The following MAGI1 variants were observed in gnomAD, a reference collection of about 807,000 sequenced individuals.
The protein encoded by MAGI1 is membrane-associated guanylate kinase, WW and PDZ domain-containing protein 1.
Under a neutral mutation model 139.9 loss-of-function variants are expected in MAGI1, and 58 were observed. The ratio of observed to expected loss-of-function variants is 0.41; its 90% confidence interval spans 0.34 to 0.52. The LOEUF is 0.52. MAGI1 is among the 20% of genes least tolerant of loss of function. The pLI is 0.12. For synonymous variants in MAGI1, 812 were observed against 737.9 expected (o/e 1.10, Z -1.63); for missense variants, 1,874 against 1,901.6 (o/e 0.99, Z 0.27).
intron 2 of MAGI1, among the ~76,000 whole-genome samples, chr3:65,505,668 A>AATAATAATAATG (rs3075744): frequency 2.0e-5 from 3 of 149,268 alleles, no homozygotes; most frequent in Non-Finnish European, 4.4e-5. Flanking sequence ...TAATAATAAT[A>AATAATAATAATG]GGGAATGACT....
At chr3:65,574,390 T>C (rs1317722413) in intron 2 of MAGI1, among the ~76,000 whole-genome samples, 1 of 140,174 alleles carries the variant, frequency 7.1e-6, no homozygotes, top group African/African-American at 2.7e-5. Context: ...CAACAAAATA[T>C]ATAAAATACC....
chr3:66,021,938 G>C (rs147378690), intron 1 of MAGI1, among the ~76,000 whole-genome samples: 4 of 152,188 alleles, frequency 2.6e-5, no homozygotes, highest in African/African-American at 9.7e-5. Context: ...TCTTCAAGAA[G>C]CTGTGCCTGC....
chr3:65,738,307 G>A (rs1325537746), intron 1 of MAGI1, among the ~76,000 whole-genome samples: 2 of 152,148 alleles, frequency 1.3e-5, no homozygotes, highest in African/African-American at 4.8e-5. Flanking sequence ...GAGTTGCTAG[G>A]ACTATAGGCA....
intron 17 of MAGI1, among the ~76,000 whole-genome samples, chr3:65,377,228 T>C (rs1195945257): frequency 6.6e-6 from 1 of 152,208 alleles, no homozygotes; most frequent in Admixed American, 6.5e-5. Context: ...CAAGGTAAGA[T>C]AATTTTTAAA....
At chr3:65,515,472 T>A (rs188241896) in intron 2 of MAGI1, among the ~76,000 whole-genome samples, 212 of 152,288 alleles carry the variant, frequency 1.4e-3, no homozygotes, top group Non-Finnish European at 2.3e-3. Flanking sequence ...CTAATGTCAA[T>A]GAATGACACT....
chr3:65,693,788 A>C (rs2088898515), intron 1 of MAGI1, among the ~76,000 whole-genome samples: 1 of 152,088 alleles, frequency 6.6e-6, no homozygotes, highest in Non-Finnish European at 1.5e-5. Context: ...CAGTGGCACG[A>C]TCTTGACTCA....
At chr3:65,693,944 C>T (rs2088912826) in intron 1 of MAGI1, among the ~76,000 whole-genome samples, 1 of 152,128 alleles carries the variant, frequency 6.6e-6, no homozygotes, top group Non-Finnish European at 1.5e-5. Context: ...TGATCTCAAA[C>T]TCCTGACCTC....
chr3:65,454,977 T>C (rs1262840926), intron 5 of MAGI1, among the ~76,000 whole-genome samples: 1 of 152,192 alleles, frequency 6.6e-6, no homozygotes, highest in Admixed American at 6.5e-5. Context: ...AAGGACACCC[T>C]GCTGAGACAT....
chr3:65,607,828 C>T (rs1014029710), intron 2 of MAGI1, among the ~76,000 whole-genome samples: 1 of 152,130 alleles, frequency 6.6e-6, no homozygotes, highest in African/African-American at 2.4e-5. Flanking sequence ...GCGTATTATG[C>T]ATGCGGCCAC....
At chr3:65,680,590 T>C (rs1275222552) in intron 1 of MAGI1, among the ~76,000 whole-genome samples, 1 of 152,054 alleles carries the variant, frequency 6.6e-6, no homozygotes, top group East Asian at 1.9e-4. Flanking sequence ...AATTTTTCTT[T>C]TCTAATTTTT....
At chr3:65,786,682 G>A (rs1055850536) in intron 1 of MAGI1, among the ~76,000 whole-genome samples, 10 of 141,626 alleles carry the variant, frequency 7.1e-5, no homozygotes, top group South Asian at 2.3e-4. Context: ...CACGATCTCC[G>A]CTCACTGCAA....
At chr3:66,027,880 C>A (rs907137413) in intron 1 of MAGI1, among the ~76,000 whole-genome samples, 6 of 152,122 alleles carry the variant, frequency 3.9e-5, no homozygotes, top group East Asian at 1.9e-4. Context: ...CAGAAGCAAC[C>A]CTCTCCTTAA....
intron 1 of MAGI1, among the ~76,000 whole-genome samples, chr3:65,641,500 G>GAA (rs1267040394): frequency 2.0e-5 from 3 of 152,150 alleles, no homozygotes; most frequent in African/African-American, 7.2e-5. Context: ...CTCAGACTGT[G>GAA]AATTCACGGT....
intron 1 of MAGI1, among the ~76,000 whole-genome samples, chr3:65,897,888 A>T (rs563756437): frequency 6.2e-5 from 7 of 112,790 alleles, no homozygotes; most frequent in South Asian, 9.0e-4. Flanking sequence ...GAAAGAAAGG[A>T]AAAGGGGGGA....
chr3:65,957,646 A>T (rs1156960797), intron 1 of MAGI1, among the ~76,000 whole-genome samples: 1 of 152,150 alleles, frequency 6.6e-6, no homozygotes, highest in African/African-American at 2.4e-5. Flanking sequence ...GAGTGAATCT[A>T]TCTGTACAAA....
chr3:65,526,489 A>C (rs1210542789), intron 2 of MAGI1, among the ~76,000 whole-genome samples: 1 of 152,226 alleles, frequency 6.6e-6, no homozygotes, highest in African/African-American at 2.4e-5. Flanking sequence ...CATGCAAATT[A>C]GTTTATATGT....
Position 65,613,949 on chromosome 3 carries a change from A to C in MAGI1, c.430+8023T>G, listed in dbSNP as rs536028104. Among the ~76,000 whole-genome samples, 229 of 152,316 alleles carry C rather than the reference A, an allele frequency of 1.5e-3. 4 individuals are homozygous for C. The highest frequency in any genetic ancestry group is 5.7e-4 in the Non-Finnish European group (39 of 68,022). On this transcript the variant is annotated intron_variant, in intron 2 of 22. Transcript: ENST00000402939. ...AGGGAAGGGAAAGGGGTAAGGAAGA[A>C]GGATCAGTCTTAACAGAGGGCCTAC...
intron 1 of MAGI1, among the ~76,000 whole-genome samples, chr3:65,904,503 G>C (rs945406135): frequency 6.6e-6 from 1 of 152,116 alleles, no homozygotes; most frequent in African/African-American, 2.4e-5. Flanking sequence ...GGCCTCTGCT[G>C]CCCTTCCCAA....
intron 1 of MAGI1, among the ~76,000 whole-genome samples, chr3:66,027,613 G>C (rs1174112251): frequency 6.6e-6 from 1 of 152,230 alleles, no homozygotes; most frequent in Non-Finnish European, 1.5e-5. Context: ...GCTGAAATGA[G>C]AATAAGCTCA....
Sources: allele counts gnomAD v4.1 joint callset (sites outside exome capture counted in the v4.1 genomes callset), GRCh38; gene constraint gnomAD v4.1.1; transcripts MANE v1.5; gene names NCBI Gene and HGNC (gene_info 2026-07-23, HGNC 2026-07-21).